Variants in GLDC observed in about 807,000 individuals in gnomAD.
The protein encoded by GLDC is glycine decarboxylase, also known as glycine dehydrogenase (decarboxylating), mitochondrial.
GLDC carries 104 observed loss-of-function variants against 121.3 expected under a neutral mutation model. The observed-to-expected ratio is 0.86, with a 90% CI of 0.73 to 1.01. GLDC has a LOEUF of 1.01. GLDC is among the 50% of genes least tolerant of loss of function. The probability of loss-of-function intolerance (pLI) is 0.00; values close to 1 mark genes in which losing one functional copy is unlikely to be tolerated. For synonymous variants in GLDC, 546 were observed against 480.6 expected, an observed-to-expected ratio of 1.14 and a Z score of -1.78; for missense variants, 1,429 against 1,306.6, an observed-to-expected ratio of 1.09 and a Z score of -1.44.
chr9:6,573,992 G>A (rs73398377), intron 15 of GLDC, among the ~76,000 whole-genome samples: 3,642 of 152,168 alleles, frequency 0.024, 148 homozygotes, highest in African/African-American at 0.08. Flanking sequence ...CTATCTCTAT[G>A]GATTTAAAAT....
chr9:6,610,261 A>T lies in GLDC; in HGVS notation c.566T>A (p.Leu189Gln). 1 of 1,614,048 alleles carries T rather than the reference A, an allele frequency of 6.2e-7. No individual in the cohort carries two copies. Among genetic ancestry groups the T allele is most frequent in the Non-Finnish European group, 8.5e-7 (1 of 1,179,928 alleles). Reference sequence around the variant, plus strand: ...CAGCAGGGATGCATTGGCCATGTCCAGGCCTGTGATGTCACACACCATGGT... The same window carrying T: ...CAGCAGGGATGCATTGGCCATGTCCTGGCCTGTGATGTCACACACCATGGT... ...YQTMVCDITG[L>Q]DMANASLLDE... Residue 189 changes from leucine to glutamine, a missense_variant, in exon 4 of 25, where the codon CTG (leucine) becomes CAG (glutamine). Transcript: ENST00000321612.
intron 3 of GLDC, among the ~76,000 whole-genome samples, chr9:6,619,146 CAAAAAAAAAAAAAAAAAAAAA>C (rs1162280442): frequency 1.6e-5 from 1 of 60,678 alleles, no homozygotes; most frequent in African/African-American, 6.2e-5. Flanking sequence ...CTGTCTCAGG[CAAAAAAAAAAAAAAAAAAAAA>C]AAAAAAAAAG....
chr9:6,551,494 TC>T (rs1587920745), intron 20 of GLDC, among the ~76,000 whole-genome samples: 1 of 152,206 alleles, frequency 6.6e-6, no homozygotes, highest in East Asian at 1.9e-4. Flanking sequence ...CCTACTTTCT[TC>T]CCAGAGTACC....
intron 3 of GLDC, among the ~76,000 whole-genome samples, chr9:6,612,294 C>T (rs1305644386): frequency 2.0e-5 from 3 of 151,996 alleles, no homozygotes; most frequent in African/African-American, 7.2e-5. Context: ...CACACCAACA[C>T]CCCAATACAA....
At chr9:6,581,544 C>T (rs1818171015) in intron 15 of GLDC, among the ~76,000 whole-genome samples, 1 of 152,236 alleles carries the variant, frequency 6.6e-6, no homozygotes. Flanking sequence ...CAACTGGTAT[C>T]TGGGTCAATA....
chr9:6,586,998 A>C, intron 15 of GLDC, 143 bp downstream of exon 15: 1 of 731,228 alleles, frequency 1.4e-6, no homozygotes, highest in Non-Finnish European at 2.5e-6. Context: ...TGCACCTTCT[A>C]GCCATGCTCT....
At chr9:6,590,398 G>T (rs1818353012) in intron 11 of GLDC, among the ~76,000 whole-genome samples, 1 of 152,148 alleles carries the variant, frequency 6.6e-6, no homozygotes, top group South Asian at 2.1e-4. Flanking sequence ...AGGGTGAAAT[G>T]TGATCCCCAG....
At chr9:6,581,275 T>A (rs1414423792) in intron 15 of GLDC, among the ~76,000 whole-genome samples, 1 of 152,204 alleles carries the variant, frequency 6.6e-6, no homozygotes, top group Non-Finnish European at 1.5e-5. Context: ...TCTCCCTCAG[T>A]GCCCCCAATG....
At chr9:6,608,143 G>T (rs933586644) in intron 4 of GLDC, among the ~76,000 whole-genome samples, 1 of 152,064 alleles carries the variant, frequency 6.6e-6, no homozygotes, top group African/African-American at 2.4e-5. Context: ...GCCGGGCGGG[G>T]TGGTTCACGC....
At chr9:6,630,157 A>G (rs1245664273) in intron 2 of GLDC, among the ~76,000 whole-genome samples, 4 of 151,138 alleles carry the variant, frequency 2.6e-5, no homozygotes, top group Admixed American at 1.3e-4. Flanking sequence ...TGTAATTAAA[A>G]TGTTGGGAGG....
intron 11 of GLDC, among the ~76,000 whole-genome samples, chr9:6,589,745 GC>G (rs1314460719): frequency 6.6e-6 from 1 of 151,950 alleles, no homozygotes; most frequent in African/African-American, 2.4e-5. Context: ...AAATTTAAAA[GC>G]TAAAACTACT....
intron 3 of GLDC, among the ~76,000 whole-genome samples, chr9:6,612,552 T>A (rs1254574918): frequency 1.3e-5 from 2 of 151,684 alleles, no homozygotes; most frequent in Non-Finnish European, 2.9e-5. Context: ...GGGCAACATA[T>A]GAGACCTCAC....
intron 15 of GLDC, among the ~76,000 whole-genome samples, chr9:6,578,050 G>A (rs1360128219): frequency 6.6e-6 from 1 of 151,886 alleles, no homozygotes; most frequent in Non-Finnish European, 1.5e-5. Flanking sequence ...GAGTAGCTGG[G>A]ACTACAGAAA....
intron 3 of GLDC, among the ~76,000 whole-genome samples, chr9:6,610,813 T>A (rs1818836417): frequency 6.6e-6 from 1 of 152,202 alleles, no homozygotes; most frequent in Non-Finnish European, 1.5e-5. Flanking sequence ...TTACCCAAGC[T>A]GGTCTTGAAC....
intron 20 of GLDC, among the ~76,000 whole-genome samples, chr9:6,551,306 G>A (rs1427316839): frequency 6.6e-6 from 1 of 152,140 alleles, no homozygotes; most frequent in African/African-American, 2.4e-5. Flanking sequence ...TGGGATCTGG[G>A]CCAATATCTC....
chr9:6,544,483 A>G (rs1295951190), intron 21 of GLDC, among the ~76,000 whole-genome samples: 1 of 152,156 alleles, frequency 6.6e-6, no homozygotes, highest in Non-Finnish European at 1.5e-5. Context: ...GTCTATACTG[A>G]AAATACAAAA....
At chr9:6,544,889 C>T (rs527406585) in intron 21 of GLDC, among the ~76,000 whole-genome samples, 41 of 152,118 alleles carry the variant, frequency 2.7e-4, no homozygotes, top group African/African-American at 9.4e-4. Context: ...CACCTGAGGT[C>T]GGTAGTTTGA....
chr9:6,553,273 T>C (rs1196441320), intron 20 of GLDC, 95 bp downstream of exon 20: 2 of 1,100,948 alleles, frequency 1.8e-6, no homozygotes, highest in Non-Finnish European at 2.7e-6. Flanking sequence ...CATGAATTTA[T>C]TTGTTTTTAA....
intron 22 of GLDC, among the ~76,000 whole-genome samples, chr9:6,538,780 A>G (rs1319631469): frequency 1.3e-5 from 2 of 152,184 alleles, no homozygotes; most frequent in African/African-American, 4.8e-5. Context: ...GCATCCACAA[A>G]GTGAGTGTGT....
Sources: allele counts gnomAD v4.1 joint callset (sites outside exome capture counted in the v4.1 genomes callset), GRCh38; gene constraint gnomAD v4.1.1; transcripts MANE v1.5; gene names NCBI Gene and HGNC (gene_info 2026-07-23, HGNC 2026-07-21).